The following PTPRG variants were observed in gnomAD, a reference collection of about 807,000 sequenced individuals.
PTPRG encodes receptor-type tyrosine-protein phosphatase gamma.
PTPRG carries 102 observed loss-of-function variants against 165.3 expected under a neutral mutation model. That is an observed-to-expected ratio of 0.62 (90% confidence interval 0.53 to 0.73). The LOEUF (loss-of-function observed/expected upper bound fraction) is 0.73. Among genes scored for constraint, PTPRG ranks in the 30% least tolerant of loss-of-function variants. The pLI is 0.00. For synonymous variants in PTPRG, 675 were observed against 669.5 expected, an observed-to-expected ratio of 1.01 and a Z score of -0.13; for missense variants, 1,866 against 1,861.4, an observed-to-expected ratio of 1.00 and a Z score of -0.05.
At chr3:62,143,384 G>A (rs890430646) in intron 6 of PTPRG, among the ~76,000 whole-genome samples, 10 of 152,148 alleles carry the variant, frequency 6.6e-5, no homozygotes, top group Admixed American at 3.3e-4. Context: ...AGAAAATGGA[G>A]CAGAGCTGAG....
intron 2 of PTPRG, among the ~76,000 whole-genome samples, chr3:61,980,793 G>T (rs1159123586): frequency 6.6e-6 from 1 of 152,136 alleles, no homozygotes. Context: ...CCTTTCTCTT[G>T]TTACTGTCTT....
At chr3:61,573,965 A>G (rs900359299) in intron 1 of PTPRG, among the ~76,000 whole-genome samples, 1 of 152,080 alleles carries the variant, frequency 6.6e-6, no homozygotes, top group Admixed American at 6.6e-5. Context: ...ATTCCATTCT[A>G]ATTAGAGGAC....
At chr3:61,921,092 C>T (rs2039065808) in intron 2 of PTPRG, among the ~76,000 whole-genome samples, 2 of 150,580 alleles carry the variant, frequency 1.3e-5, no homozygotes, top group South Asian at 4.2e-4. Flanking sequence ...TCCTTCTTGT[C>T]TTCCATCCAT....
At chr3:62,166,877 C>T (rs1202227621) in intron 7 of PTPRG, among the ~76,000 whole-genome samples, 2 of 151,916 alleles carry the variant, frequency 1.3e-5, no homozygotes, top group Non-Finnish European at 2.9e-5. Flanking sequence ...TTTATATAGG[C>T]AGGGTCTCGT....
At chr3:61,873,781 C>T (rs2037649259) in intron 2 of PTPRG, among the ~76,000 whole-genome samples, 1 of 152,094 alleles carries the variant, frequency 6.6e-6, no homozygotes, top group African/African-American at 2.4e-5. Flanking sequence ...TCAGTTGACG[C>T]AGTATAAATG....
intron 1 of PTPRG, among the ~76,000 whole-genome samples, chr3:61,729,430 G>A (rs1177387443): frequency 6.6e-6 from 1 of 152,264 alleles, no homozygotes; most frequent in African/African-American, 2.4e-5. Flanking sequence ...TCAGTTTGCC[G>A]TGTTTGCTCT....
intron 2 of PTPRG, among the ~76,000 whole-genome samples, chr3:61,768,831 T>C (rs545616309): frequency 6.6e-6 from 1 of 152,212 alleles, no homozygotes; most frequent in African/African-American, 2.4e-5. Context: ...TTCTCCTGAG[T>C]TGGCTCAGTG....
At chr3:61,935,327 G>A (rs72884128) in intron 2 of PTPRG, among the ~76,000 whole-genome samples, 7 of 152,210 alleles carry the variant, frequency 4.6e-5, no homozygotes, top group South Asian at 2.1e-4. Context: ...GTCCTGCTTC[G>A]TGTGCTTTTG....
chr3:61,674,082 A>G (rs1406551904), intron 1 of PTPRG, among the ~76,000 whole-genome samples: 1 of 152,024 alleles, frequency 6.6e-6, no homozygotes, highest in African/African-American at 2.4e-5. Context: ...CCTAACGTAG[A>G]TGACGGGTTG....
At chr3:61,889,796 T>C (rs1234113265) in intron 2 of PTPRG, among the ~76,000 whole-genome samples, 1 of 152,228 alleles carries the variant, frequency 6.6e-6, no homozygotes, top group African/African-American at 2.4e-5. Context: ...ATTTAGTGTG[T>C]ATTTTCTTCT....
chr3:61,972,826 ATT>A (rs35221319), intron 2 of PTPRG, among the ~76,000 whole-genome samples: 28 of 144,496 alleles, frequency 1.9e-4, no homozygotes, highest in Middle Eastern at 3.5e-3. Flanking sequence ...CTAATTTTTA[ATT>A]TTTTTTTTTT....
At chr3:62,259,428 A>G (rs1701628708) in intron 16 of PTPRG, among the ~76,000 whole-genome samples, 2 of 152,180 alleles carry the variant, frequency 1.3e-5, no homozygotes, top group Non-Finnish European at 2.9e-5. Context: ...AAAACCCTCA[A>G]TGTTTTAAGA....
chr3:61,676,629 A>G lies in PTPRG; in HGVS notation c.86-72249A>G, dbSNP rs570203347. ...ATGTCTTGGCGCCTTGATATATTTTAACGTGTTGCGGTTGCATGTGACTCT... is the reference window on the plus strand; with the variant it reads ...ATGTCTTGGCGCCTTGATATATTTTGACGTGTTGCGGTTGCATGTGACTCT... On this transcript the variant is annotated intron_variant, in intron 1 of 29. Coordinates refer to ENST00000474889, the MANE Select transcript of PTPRG (RefSeq NM_002841.4). Among the ~76,000 whole-genome samples, 70 of 152,030 alleles carry G rather than the reference A, an allele frequency of 4.6e-4. No homozygotes were observed. In the South Asian group the frequency reaches 5.6e-3, roughly 12 times the overall value.
At chr3:62,198,079 A>G (rs1700012164) in intron 10 of PTPRG, among the ~76,000 whole-genome samples, 1 of 152,234 alleles carries the variant, frequency 6.6e-6, no homozygotes, top group African/African-American at 2.4e-5. Context: ...AATATTTACC[A>G]TATTATAGTA....
chr3:61,962,860 G>T lies in PTPRG; in HGVS notation c.191-26765G>T, dbSNP rs1045999153. ...AAGGAAAGGGAGACACAGTAAACAA[G>T]TGTTATGTTTATTTTTTTGTTTGTT... On this transcript the variant is annotated intron_variant, in intron 2 of 29. Transcript: ENST00000474889. Among the ~76,000 whole-genome samples, 7 of 152,156 alleles carry T rather than the reference G, an allele frequency of 4.6e-5. No individual in the cohort carries two copies. In the East Asian group the frequency reaches 1.3e-3, roughly 29 times the overall value.
intron 2 of PTPRG, among the ~76,000 whole-genome samples, chr3:61,927,571 C>G (rs2039253323): frequency 6.6e-6 from 1 of 152,168 alleles, no homozygotes; most frequent in East Asian, 1.9e-4. Context: ...GACTTGCTGG[C>G]TGAGTTTTGA....
At position 61,824,567 on chromosome 3, in the gene PTPRG, C is replaced by T. The variant is rs1009900688; in HGVS notation, c.190+75585C>T. 2.0e-5 allele frequency among the ~76,000 whole-genome samples: 3 copies of T among 152,308 alleles called. No individual in the cohort carries two copies. The South Asian group carries it at 6.2e-4, about 32-fold the overall frequency. On this transcript the variant is annotated intron_variant, in intron 2 of 29. Transcript: ENST00000474889. ...ATTTCTCAGCAAGTATGGTGGCTCA[C>T]GCCTGTAATCCCAGCACTTTAAAAA...
At chr3:61,592,403 C>T (rs1700592811) in intron 1 of PTPRG, among the ~76,000 whole-genome samples, 1 of 152,108 alleles carries the variant, frequency 6.6e-6, no homozygotes, top group South Asian at 2.1e-4. Context: ...AGCATGAATA[C>T]AATGTTGGAT....
chr3:61,591,191 C>T (rs1700559372), intron 1 of PTPRG, among the ~76,000 whole-genome samples: 1 of 152,166 alleles, frequency 6.6e-6, no homozygotes, highest in African/African-American at 2.4e-5. Context: ...GCACATTTGC[C>T]AGTATTTGTT....
Sources: gnomAD v4.1 joint callset for allele counts (sites outside exome capture counted in the v4.1 genomes callset) on GRCh38, gnomAD v4.1.1 for gene constraint, MANE v1.5 for transcripts, NCBI Gene and HGNC (gene_info 2026-07-23, HGNC 2026-07-21) for gene names.